Variants in WFDC13 observed in about 807,000 individuals in gnomAD.
The protein encoded by WFDC13 is WAP four-disulfide core domain protein 13.
A neutral mutation model predicts 10.9 loss-of-function variants in WFDC13; 6 were observed. The observed-to-expected ratio is 0.55, with a 90% confidence interval of 0.30 to 1.09. The LOEUF is 1.09. Among genes scored for constraint, WFDC13 ranks in the 50% least tolerant of loss-of-function variants. The pLI is 0.06. For synonymous variants in WFDC13, 38 were observed against 39.5 expected, an observed-to-expected ratio of 0.96 and a Z score of 0.14; for missense variants, 104 against 109.6, an observed-to-expected ratio of 0.95 and a Z score of 0.23.
chr20:45,702,183 GCCTGGGAGT>G lies in WFDC13; in HGVS notation c.63_71del (p.Gly22_Pro24del). On this transcript the variant is annotated inframe_deletion, in exon 1 of 4. Coordinates refer to ENST00000305479, the MANE Select transcript of WFDC13 (RefSeq NM_172005.2). Reference sequence around the variant, plus strand: ...TGTTCTGCCTAGCACTGCAGCTGGTGCCTGGGAGTCCCAAGCAGCGTGTTCTGAGTAGGT... The same window carrying G: ...TGTTCTGCCTAGCACTGCAGCTGGTGCCCAAGCAGCGTGTTCTGAGTAGGT... The G allele has an allele frequency of 6.2e-7, 1 of 1,613,144 alleles. No individual in the cohort carries two copies. The highest frequency in any genetic ancestry group is 1.1e-5 in the South Asian group (1 of 90,692).
In WFDC13 at chr20:45,705,889, T is replaced by C. The variant is rs770731996; in HGVS notation, c.266T>C (p.Ile89Thr). Residue 89 changes from isoleucine to threonine, a missense_variant, in exon 3 of 4, where the codon ATC becomes ACC. Coordinates refer to ENST00000305479, the MANE Select transcript of WFDC13 (RefSeq NM_172005.2). ...NRIKHKGSEV[I>T]MPAN ...ATCAAACACAAGGGCTCAGAAGTCA[T>C]CATGCCTGCCAACTGAGGCATATTT... is the stretch of plus-strand genomic sequence containing the variant. 17 of 1,613,948 alleles carry C rather than the reference T, an allele frequency of 1.1e-5. No homozygotes were observed. In the Admixed American group the frequency reaches 2.8e-4, roughly 27 times the overall value.
At chr20:45,702,615 G>T (rs1984211682) in intron 1 of WFDC13, among the ~76,000 whole-genome samples, 1 of 152,222 alleles carries the variant, frequency 6.6e-6, no homozygotes, top group Non-Finnish European at 1.5e-5. Context: ...AACGAAGTTG[G>T]TAGAACTCAA....
At chr20:45,707,306 T>C (rs1341634039) in intron 3 of WFDC13, among the ~76,000 whole-genome samples, 1 of 152,184 alleles carries the variant, frequency 6.6e-6, no homozygotes, top group Admixed American at 6.5e-5. Context: ...ATAGACTCTT[T>C]TACTACCAGA....
At position 45,705,918 on chromosome 20, in the gene WFDC13, A is replaced by G; in HGVS notation, c.*13A>G. 1 of 1,613,972 alleles carries G rather than the reference A, an allele frequency of 6.2e-7. No homozygotes were observed. The highest frequency in any genetic ancestry group is 8.5e-7 in the Non-Finnish European group (1 of 1,179,914). The stretch of plus-strand genomic sequence containing the variant: ...GCCTGCCAACTGAGGCATATTTCCT[A>G]GATCATTTTGTAAGTACAGGGATTT... On this transcript the variant is annotated 3_prime_UTR_variant, in exon 3 of 4. Transcript: ENST00000305479.
chr20:45,706,071 C>A, intron 3 of WFDC13, 144 bp downstream of exon 3: 2 of 690,634 alleles, frequency 2.9e-6, no homozygotes, highest in Non-Finnish European at 5.0e-6. Context: ...CTCCATCATT[C>A]CCCTCCAAGG....
In WFDC13 at chr20:45,704,539, T is replaced by C. The variant is rs779051076; in HGVS notation, c.184T>C (p.Cys62Arg). Residue 62 changes from cysteine (C) to arginine (R), a missense_variant, in exon 2 of 4, where the codon TGT becomes CGT. Coordinates refer to ENST00000305479, the MANE Select transcript of WFDC13 (RefSeq NM_172005.2). ...QEDCEKGFQC[C>R]SSFCGIVCSS... The stretch of plus-strand genomic sequence containing the variant: ...AGATTGCGAGAAAGGATTTCAGTGC[T>C]GTTCCTCCTTCTGTGGGATAGTCTG... 8.1e-6 allele frequency: 13 copies of C among 1,614,218 alleles called. No homozygotes were observed. Among genetic ancestry groups the C allele is most frequent in the Non-Finnish European group, 1.1e-5 (13 of 1,180,036 alleles).
At chr20:45,707,489 C>G (rs1422536547) in intron 3 of WFDC13, among the ~76,000 whole-genome samples, 2 of 152,170 alleles carry the variant, frequency 1.3e-5, no homozygotes, top group African/African-American at 4.8e-5. Context: ...AATATTCAAT[C>G]AGTTCCTTAG....
chr20:45,702,507 T>C (rs2145643899), intron 1 of WFDC13, among the ~76,000 whole-genome samples: 1 of 152,348 alleles, frequency 6.6e-6, no homozygotes, highest in South Asian at 2.1e-4. Flanking sequence ...TATTAAATGC[T>C]GTAAATGTGA....
intron 1 of WFDC13, 83 bp downstream of exon 1, chr20:45,702,294 C>A: frequency 7.3e-7 from 1 of 1,373,180 alleles, no homozygotes; most frequent in East Asian, 2.5e-5. Context: ...TGTCACACCT[C>A]TTGGAAAAAT....
chr20:45,703,215 G>A (rs955610995), intron 1 of WFDC13, among the ~76,000 whole-genome samples: 1 of 152,164 alleles, frequency 6.6e-6, no homozygotes, highest in Non-Finnish European at 1.5e-5. Flanking sequence ...TCTCTAAACT[G>A]CTCTGTTGAG....
chr20:45,704,803 C>T (rs1242747337), intron 2 of WFDC13: 11 of 1,303,922 alleles, frequency 8.4e-6, no homozygotes, highest in Non-Finnish European at 1.2e-5. Flanking sequence ...ATCACCACAT[C>T]CCATCACCAT....
At chr20:45,704,923 G>T in intron 2 of WFDC13, 1 of 1,614,032 alleles carries the variant, frequency 6.2e-7, no homozygotes, top group Non-Finnish European at 8.5e-7. Flanking sequence ...TGTACCTGCA[G>T]GTGTAACCAA....
At chr20:45,706,677 CA>C (rs1356016748) in intron 3 of WFDC13, among the ~76,000 whole-genome samples, 2 of 151,338 alleles carry the variant, frequency 1.3e-5, no homozygotes, top group African/African-American at 2.4e-5. Context: ...GAGGCTGAAG[CA>C]GGAGAATTGC....
chr20:45,706,075 T>C (rs568792304), intron 3 of WFDC13, 148 bp downstream of exon 3: 18 of 678,530 alleles, frequency 2.7e-5, no homozygotes, highest in Non-Finnish European at 5.1e-6. Context: ...ATCATTCCCC[T>C]CCAAGGGCTA....
intron 2 of WFDC13, 113 bp downstream of exon 2, chr20:45,704,707 G>C (rs1271586595): frequency 6.9e-7 from 1 of 1,458,570 alleles, no homozygotes; most frequent in Admixed American, 2.2e-5. Flanking sequence ...TTTTTCCTTG[G>C]TGGCCATGTT....
Position 45,702,155 on chromosome 20 carries a change from T to A in WFDC13, c.32T>A (p.Val11Glu), listed in dbSNP as rs1984188235. The change falls in exon 1 of 4, where the codon GTG becomes GAG. Residue 11 changes from valine to glutamate, a missense_variant. By Grantham distance (121) the Val-to-Glu change is moderately radical. Coordinates refer to ENST00000305479, the MANE Select transcript of WFDC13 (RefSeq NM_172005.2). The part of the protein sequence containing the change: MKPVLPLQFL[V>E]VFCLALQLVP... ...CCTGTGCTGCCTCTCCAGTTCCTGGTGGTGTTCTGCCTAGCACTGCAGCTG... is the reference window on the plus strand; with the variant it reads ...CCTGTGCTGCCTCTCCAGTTCCTGGAGGTGTTCTGCCTAGCACTGCAGCTG... The A allele has an allele frequency of 6.2e-7, 1 of 1,613,284 alleles. No homozygotes were observed. The highest frequency in any genetic ancestry group is 1.7e-5 in the Admixed American group (1 of 59,902).
rs1984378271 is a variant in WFDC13, at chr20:45,706,042, A to T, written c.*22+115A>T. The T allele has an allele frequency of 3.6e-6, 3 of 842,974 alleles. No individual in the cohort carries two copies. In the East Asian group the frequency reaches 7.8e-5, roughly 22 times the overall value. 52.2% of individuals were successfully genotyped at this position (842,974 alleles called of 1,614,324 possible). A position where few individuals can be genotyped will look rare whatever the true frequency, so the allele number is the denominator to read the frequency against. Reference sequence around the variant, plus strand: ...TCCCACAAGCTCAGAATGGCCTCTCATTACCTGATTGCCTCCTCCTCCATC... The same window carrying T: ...TCCCACAAGCTCAGAATGGCCTCTCTTTACCTGATTGCCTCCTCCTCCATC... On this transcript the variant is annotated intron_variant, in intron 3 of 3. Transcript: ENST00000305479.
chr20:45,705,093 T>C lies in WFDC13; in HGVS notation c.239+499T>C, dbSNP rs768249420. Reference sequence around the variant, plus strand: ...CTAGCCGCAAGCCTGCTAAATGGAGTGTGCTCCCAGGGCAGAGAAAGGACA... The same window carrying C: ...CTAGCCGCAAGCCTGCTAAATGGAGCGTGCTCCCAGGGCAGAGAAAGGACA... On this transcript the variant is annotated intron_variant, in intron 2 of 3. Transcript: ENST00000305479. 9.4e-6 allele frequency: 11 copies of C among 1,175,332 alleles called. No individual in the cohort carries two copies. In the African/African-American group the frequency reaches 1.1e-4, roughly 11 times the overall value. 72.8% of individuals were successfully genotyped at this position (1,175,332 alleles called of 1,614,324 possible).
chr20:45,704,064 C>T (rs1002938814), intron 1 of WFDC13, among the ~76,000 whole-genome samples: 1 of 152,210 alleles, frequency 6.6e-6, no homozygotes, highest in African/African-American at 2.4e-5. Flanking sequence ...CTACAACTTG[C>T]TCAAGACCAC....
Sources: gnomAD v4.1 joint callset for allele counts (sites outside exome capture counted in the v4.1 genomes callset) on GRCh38, gnomAD v4.1.1 for gene constraint, MANE v1.5 for transcripts, NCBI Gene and HGNC (gene_info 2026-07-23, HGNC 2026-07-21) for gene names.